The following RBFOX1 variants were observed in gnomAD, a reference collection of about 807,000 sequenced individuals.
The protein encoded by RBFOX1 is RNA binding protein fox-1 homolog 1.
RBFOX1 carries 8 observed loss-of-function variants against 57.7 expected under a neutral mutation model. The ratio of observed to expected loss-of-function variants is 0.14; its 90% CI spans 0.08 to 0.25. RBFOX1 has a LOEUF of 0.25. Among genes scored for constraint, RBFOX1 ranks in the 10% least tolerant of loss-of-function variants. The pLI, the probability that RBFOX1 is intolerant of heterozygous loss-of-function variation, is 1.00. For synonymous variants in RBFOX1, 326 were observed against 222.4 expected (o/e 1.47, Z -4.15); for missense variants, 611 against 548.5 (o/e 1.11, Z -1.14).
At chr16:7,144,836 G>A (rs905095320) in intron 4 of RBFOX1, among the ~76,000 whole-genome samples, 1 of 152,122 alleles carries the variant, frequency 6.6e-6, no homozygotes, top group Non-Finnish European at 1.5e-5. Flanking sequence ...GCCCGAGAAG[G>A]TGATTGCTGA....
At chr16:7,136,438 G>C (rs1482426700) in intron 4 of RBFOX1, among the ~76,000 whole-genome samples, 1 of 106,120 alleles carries the variant, frequency 9.4e-6, no homozygotes, top group Non-Finnish European at 1.8e-5. Context: ...ACAGGGTCTT[G>C]TTCTGTTATC....
At chr16:7,557,623 AAAAAAAAAAAAAAAAAAAAGAAAAAG>A (rs1406219483) in intron 5 of RBFOX1, among the ~76,000 whole-genome samples, 2 of 123,064 alleles carry the variant, frequency 1.6e-5, no homozygotes, top group African/African-American at 6.0e-5. Context: ...CTGTCTCAAA[AAAAAAAAAAAAAAAAAAAAGAAAAAG>A]AAAAAAAAAA....
intron 2 of RBFOX1, among the ~76,000 whole-genome samples, chr16:5,523,070 A>G (rs1567190104): frequency 6.6e-6 from 1 of 151,876 alleles, no homozygotes; most frequent in Admixed American, 6.6e-5. Context: ...GGTGGATCAC[A>G]AGGTCAGGAG....
intron 2 of RBFOX1, among the ~76,000 whole-genome samples, chr16:5,543,959 T>C (rs1597462510): frequency 6.6e-6 from 1 of 152,224 alleles, no homozygotes; most frequent in African/African-American, 2.4e-5. Context: ...GGAGAAATAG[T>C]CAAATCCAGA....
chr16:5,651,445 A>G (rs2049238367), intron 3 of RBFOX1, among the ~76,000 whole-genome samples: 1 of 152,154 alleles, frequency 6.6e-6, no homozygotes, highest in Non-Finnish European at 1.5e-5. Context: ...CACCCCAGGT[A>G]GACACACACA....
chr16:5,990,217 G>C (rs2060367719), intron 4 of RBFOX1, among the ~76,000 whole-genome samples: 1 of 152,058 alleles, frequency 6.6e-6, no homozygotes, highest in African/African-American at 2.4e-5. Flanking sequence ...GGAACTCCTG[G>C]GCTCTTCAAG....
intron 3 of RBFOX1, among the ~76,000 whole-genome samples, chr16:6,940,907 C>G (rs111813509): frequency 1.4e-4 from 21 of 145,202 alleles, no homozygotes; most frequent in African/African-American, 4.1e-4. Flanking sequence ...TGGGGTTTCA[C>G]TGCTTTAGCC....
intron 2 of RBFOX1, among the ~76,000 whole-genome samples, chr16:6,338,546 T>C (rs765685929): frequency 6.6e-6 from 1 of 152,204 alleles, no homozygotes; most frequent in Non-Finnish European, 1.5e-5. Flanking sequence ...AGTTGAGCAC[T>C]GGGACTAAAA....
chr16:6,725,284 C>G (rs1438835663), intron 3 of RBFOX1, among the ~76,000 whole-genome samples: 1 of 151,918 alleles, frequency 6.6e-6, no homozygotes, highest in Non-Finnish European at 1.5e-5. Flanking sequence ...ATCTCCTGAC[C>G]TCGTGATCCA....
intron 3 of RBFOX1, among the ~76,000 whole-genome samples, chr16:7,048,855 T>G (rs1415548543): frequency 6.6e-6 from 1 of 152,174 alleles, no homozygotes; most frequent in Non-Finnish European, 1.5e-5. Flanking sequence ...CCATGGAAGT[T>G]GTTGATATTT....
At chr16:6,765,895 C>A (rs2077254346) in intron 3 of RBFOX1, among the ~76,000 whole-genome samples, 1 of 152,156 alleles carries the variant, frequency 6.6e-6, no homozygotes, top group Non-Finnish European at 1.5e-5. Flanking sequence ...AAAGCAAATA[C>A]TGCATTTCTT....
chr16:7,204,106 G>C (rs1032210710), intron 4 of RBFOX1, among the ~76,000 whole-genome samples: 1 of 152,216 alleles, frequency 6.6e-6, no homozygotes, highest in Non-Finnish European at 1.5e-5. Context: ...TCCATGGGAG[G>C]TGGGAAATCC....
chr16:6,272,914 C>T (rs1211336298), intron 1 of RBFOX1, among the ~76,000 whole-genome samples: 5 of 152,064 alleles, frequency 3.3e-5, no homozygotes, highest in Non-Finnish European at 7.4e-5. Context: ...AAAAAAGGCT[C>T]AAAATGGATC....
At chr16:6,281,285 G>A (rs1308988000) in intron 1 of RBFOX1, among the ~76,000 whole-genome samples, 1 of 152,010 alleles carries the variant, frequency 6.6e-6, no homozygotes, top group South Asian at 2.1e-4. Context: ...TTCAGAGATG[G>A]GCACTGTTAT....
At chr16:6,450,782 TATATATAC>T (rs1490661704) in intron 2 of RBFOX1, among the ~76,000 whole-genome samples, 3 of 42,520 alleles carry the variant, frequency 7.1e-5, no homozygotes, top group Non-Finnish European at 1.2e-4. Context: ...TATATATATA[TATATATAC>T]ATATATATAT....
downstream of RBFOX1, among the ~76,000 whole-genome samples, chr16:5,600,323 A>T (rs1025269146): frequency 2.6e-5 from 4 of 151,458 alleles, no homozygotes; most frequent in African/African-American, 4.8e-5. Context: ...AAATAAAAAA[A>T]AAACAAAACC....
intron 3 of RBFOX1, among the ~76,000 whole-genome samples, chr16:6,919,279 C>T (rs1361766631): frequency 1.3e-5 from 2 of 152,206 alleles, no homozygotes; most frequent in East Asian, 1.9e-4. Flanking sequence ...TGAGCCATGG[C>T]GCCTGGCCCA....
chr16:6,308,155 A>C (rs2079762189), intron 1 of RBFOX1, among the ~76,000 whole-genome samples: 1 of 151,716 alleles, frequency 6.6e-6, no homozygotes, highest in African/African-American at 2.4e-5. Flanking sequence ...AGTTATTTGG[A>C]ATGTCATTTA....
At position 7,708,322 on chromosome 16, in the gene RBFOX1, C is replaced by G. The variant is rs151267697; in HGVS notation, c.996-734C>G. ...TTTCCATCTCTTCTCCATTTTTATCCTAAAGCCTATACCAGAAGCCATGGC... is the reference window on the plus strand; with the variant it reads ...TTTCCATCTCTTCTCCATTTTTATCGTAAAGCCTATACCAGAAGCCATGGC... On this transcript the variant is annotated intron_variant, in intron 14 of 15. Coordinates refer to ENST00000550418, the MANE Select transcript of RBFOX1 (RefSeq NM_018723.4). Among the ~76,000 whole-genome samples the G allele has an allele frequency of 3.2e-3, 490 of 152,122 alleles. 4 individuals carry two copies. The highest frequency in any genetic ancestry group is 9.2e-3 in the African/African-American group (381 of 41,494).
Sources: gnomAD v4.1 joint callset for allele counts (sites outside exome capture counted in the v4.1 genomes callset) on GRCh38, gnomAD v4.1.1 for gene constraint, MANE v1.5 for transcripts, NCBI Gene and HGNC (gene_info 2026-07-23, HGNC 2026-07-21) for gene names.